FMR1NB: variants seen among roughly 807,000 people sequenced by gnomAD.
The protein encoded by FMR1NB is FMR1 neighbor protein.
FMR1NB carries 10 observed loss-of-function variants against 16.8 expected under a neutral mutation model. The ratio of observed to expected loss-of-function variants is 0.60; its 90% CI spans 0.37 to 1.01. The LOEUF is 1.01. FMR1NB is among the 50% of genes least tolerant of loss of function. FMR1NB has a pLI of 0.01. For missense variants in FMR1NB, 205 were observed against 204.8 expected (o/e 1.00, Z 0.00); for synonymous variants, 83 against 79.1 (o/e 1.05, Z -0.26).
chrX:148,016,431 A>T (rs1185695347), intron 4 of FMR1NB, among the ~76,000 whole-genome samples: 1 of 110,916 alleles, frequency 9.0e-6, no homozygotes, highest in Non-Finnish European at 1.9e-5. Flanking sequence ...TTGATTGGAG[A>T]GTGTAGTCCT....
chrX:147,993,059 G>A (rs1299031351), intron 1 of FMR1NB, among the ~76,000 whole-genome samples: 1 of 106,424 alleles, frequency 9.4e-6, no homozygotes, highest in Non-Finnish European at 2.0e-5. Context: ...GGGAGGCCAA[G>A]GCAGGCGGCT....
chrX:148,006,863 T>C, intron 3 of FMR1NB, 21 bp downstream of exon 3: 1 of 1,184,656 alleles, frequency 8.4e-7, no homozygotes, highest in Non-Finnish European at 1.1e-6. Flanking sequence ...CCTCTTTCAT[T>C]TATTTCTATT....
At chrX:148,018,490 A>G (rs1479486891) in intron 4 of FMR1NB, among the ~76,000 whole-genome samples, 2 of 111,718 alleles carry the variant, frequency 1.8e-5, no homozygotes, top group African/African-American at 6.5e-5. Flanking sequence ...AGATCAATGG[A>G]ACAGAACAGA....
At chrX:147,998,417 A>T (rs1357473541) in intron 1 of FMR1NB, among the ~76,000 whole-genome samples, 1 of 111,631 alleles carries the variant, frequency 9.0e-6, no homozygotes, top group African/African-American at 3.3e-5. Flanking sequence ...GAACATATGG[A>T]CACAGGGAGA....
intron 1 of FMR1NB, among the ~76,000 whole-genome samples, chrX:147,998,970 T>C (rs782536302): frequency 8.9e-6 from 1 of 112,261 alleles, no homozygotes; most frequent in East Asian, 2.8e-4. Context: ...ATGCCCATTG[T>C]AATGACCGAA....
intron 4 of FMR1NB, among the ~76,000 whole-genome samples, chrX:148,022,165 C>A (rs931110912): frequency 5.4e-5 from 6 of 111,616 alleles, no homozygotes; most frequent in Non-Finnish European, 9.4e-5. Flanking sequence ...CTCTGAGTCT[C>A]ATAAAGTGTA....
intron 1 of FMR1NB, among the ~76,000 whole-genome samples, chrX:147,989,519 G>A (rs2044493181): frequency 8.9e-6 from 1 of 112,025 alleles, no homozygotes; most frequent in Non-Finnish European, 1.9e-5. Flanking sequence ...CCTTAGCAGA[G>A]CTCGAGTGCT....
chrX:148,018,486 A>G (rs1197430851), intron 4 of FMR1NB, among the ~76,000 whole-genome samples: 1 of 111,759 alleles, frequency 8.9e-6, no homozygotes, highest in Non-Finnish European at 1.9e-5. Context: ...ACATAGATCA[A>G]TGGAACAGAA....
intron 1 of FMR1NB, among the ~76,000 whole-genome samples, chrX:147,982,932 C>T (rs1557186792): frequency 8.9e-6 from 1 of 112,066 alleles, no homozygotes; most frequent in Non-Finnish European, 1.9e-5. Flanking sequence ...ATTCATATAA[C>T]ATAAATTAAC....
At chrX:148,013,109 C>A (rs2044633288) in intron 4 of FMR1NB, among the ~76,000 whole-genome samples, 1 of 111,579 alleles carries the variant, frequency 9.0e-6, no homozygotes, top group Non-Finnish European at 1.9e-5. Flanking sequence ...TCGTATAAAG[C>A]TGGTACTTCT....
chrX:147,985,055 G>A (rs1226702297), intron 1 of FMR1NB, among the ~76,000 whole-genome samples: 6 of 111,414 alleles, frequency 5.4e-5, no homozygotes, highest in East Asian at 5.7e-4. Context: ...CTTATAATAC[G>A]CTGTTGCATT....
At chrX:147,987,433 C>G (rs1413859967) in intron 1 of FMR1NB, among the ~76,000 whole-genome samples, 1 of 111,629 alleles carries the variant, frequency 9.0e-6, no homozygotes, top group African/African-American at 3.3e-5. Context: ...CAGCTTTTGC[C>G]CATTCAGTAT....
At chrX:147,996,099 T>G (rs1281537184) in intron 1 of FMR1NB, among the ~76,000 whole-genome samples, 1 of 112,129 alleles carries the variant, frequency 8.9e-6, no homozygotes, top group African/African-American at 3.2e-5. Flanking sequence ...ATTAATATAT[T>G]TATTTAAAAA....
At chrX:148,002,389 G>A (rs782239908) in intron 1 of FMR1NB, among the ~76,000 whole-genome samples, 181 of 111,169 alleles carry the variant, frequency 1.6e-3, no homozygotes, top group Non-Finnish European at 2.8e-3. Context: ...TGTATTTTAG[G>A]GTTGCCCTGC....
Position 147,983,705 on chromosome X carries a change from T to C in FMR1NB, c.277+2026T>C, listed in dbSNP as rs782143247. Among the ~76,000 whole-genome samples the C allele has an allele frequency of 4.5e-5, 5 of 112,350 alleles. No individual in the cohort carries two copies. In the South Asian group the frequency reaches 1.1e-3, roughly 25 times the overall value. On this transcript the variant is annotated intron_variant, in intron 1 of 5. Coordinates refer to ENST00000370467, the MANE Select transcript of FMR1NB (RefSeq NM_152578.3). ...TAGTCTTTTCACTTTCTTGATAATG[T>C]CCTTTGATGTAAAAATGTTTTTAAT... is the stretch of plus-strand genomic sequence containing the variant.
intron 4 of FMR1NB, among the ~76,000 whole-genome samples, chrX:148,011,674 G>A (rs782269994): frequency 1.8e-5 from 2 of 111,643 alleles, no homozygotes; most frequent in East Asian, 5.7e-4. Context: ...GTTTCAGGTC[G>A]ATTTTGAAGG....
chrX:147,993,267 G>A (rs782540894), intron 1 of FMR1NB, among the ~76,000 whole-genome samples: 19 of 112,406 alleles, frequency 1.7e-4, no homozygotes, highest in South Asian at 7.3e-4. Context: ...CCAGTCAGGC[G>A]TGGCGGCGCG....
intron 4 of FMR1NB, among the ~76,000 whole-genome samples, chrX:148,013,084 C>G (rs1192363810): frequency 3.6e-5 from 4 of 111,442 alleles, no homozygotes; most frequent in Non-Finnish European, 7.5e-5. Flanking sequence ...GCATGAGTCA[C>G]TATAGGTTTG....
chrX:148,013,388 C>G (rs1447400491), intron 4 of FMR1NB, among the ~76,000 whole-genome samples: 1 of 111,710 alleles, frequency 9.0e-6, no homozygotes, highest in Non-Finnish European at 1.9e-5. Context: ...AATTTTCCCC[C>G]CTTGGATTTC....
Sources: allele counts gnomAD v4.1 joint callset (sites outside exome capture counted in the v4.1 genomes callset), GRCh38; gene constraint gnomAD v4.1.1; transcripts MANE v1.5; gene names NCBI Gene and HGNC (gene_info 2026-07-23, HGNC 2026-07-21).